Variants in SLC17A1 observed in about 807,000 individuals in gnomAD.
SLC17A1 encodes the protein solute carrier family 17 member 1, also known as sodium-dependent phosphate transport protein 1.
Under a neutral mutation model 53.5 loss-of-function variants are expected in SLC17A1, and 51 were observed. The observed-to-expected ratio is 0.95, with a 90% CI of 0.76 to 1.20. SLC17A1 has a LOEUF of 1.20. Ranked by LOEUF, SLC17A1 falls within the 50% of genes most tolerant of loss-of-function variation. The pLI is 0.00. For synonymous variants in SLC17A1, 179 were observed against 198.8 expected, an observed-to-expected ratio of 0.90 and a Z score of 0.84; for missense variants, 538 against 568.2, an observed-to-expected ratio of 0.95 and a Z score of 0.54.
intron 6 of SLC17A1, among the ~76,000 whole-genome samples, chr6:25,814,389 T>C (rs548782193): frequency 7.9e-5 from 12 of 152,186 alleles, no homozygotes; most frequent in Non-Finnish European, 1.3e-4. Flanking sequence ...ATTCATATAA[T>C]ACTGTTTATT....
At chr6:25,731,786 C>T in the SLC17A1 span, 1 of 1,584,720 alleles carries the variant, frequency 6.3e-7, no homozygotes, top group Non-Finnish European at 8.6e-7. Context: ...TCATGTTTTA[C>T]TTGGAGCTAG....
intron 3 of SLC17A1, among the ~76,000 whole-genome samples, chr6:25,822,470 GT>G (rs887514611): frequency 6.6e-6 from 1 of 152,080 alleles, no homozygotes; most frequent in Non-Finnish European, 1.5e-5. Context: ...TTTCTGGTGT[GT>G]TTTTCTATTT....
chr6:25,730,913 G>A, the SLC17A1 span, among the ~76,000 whole-genome samples: 2 of 152,188 alleles, frequency 1.3e-5, no homozygotes, highest in African/African-American at 4.8e-5. Context: ...AAATATGTAG[G>A]AAGTAAAATT....
At chr6:25,740,643 A>C in the SLC17A1 span, among the ~76,000 whole-genome samples, 1 of 152,188 alleles carries the variant, frequency 6.6e-6, no homozygotes, top group Non-Finnish European at 1.5e-5. Context: ...AGATTTTTAT[A>C]AAGATAATTC....
At chr6:25,813,014 A>C in intron 7 of SLC17A1, 22 bp from the exon 8 acceptor site, 1 of 1,613,650 alleles carries the variant, frequency 6.2e-7, no homozygotes, top group East Asian at 2.2e-5. Flanking sequence ...TTCATTAAGA[A>C]TTAGCACATT....
chr6:25,809,523 A>G (rs9467609), intron 10 of SLC17A1, among the ~76,000 whole-genome samples: 10,399 of 152,176 alleles, frequency 0.068, 393 homozygotes, highest in Non-Finnish European at 0.087. Context: ...AATCCCATAT[A>G]TAATAGTTAC....
intron 10 of SLC17A1, among the ~76,000 whole-genome samples, chr6:25,809,738 G>A (rs1025535542): frequency 6.6e-6 from 1 of 152,114 alleles, no homozygotes; most frequent in East Asian, 1.9e-4. Flanking sequence ...AAATTCCCAT[G>A]ACATGTTTCG....
At chr6:25,738,415 T>C in the SLC17A1 span, among the ~76,000 whole-genome samples, 3 of 152,218 alleles carry the variant, frequency 2.0e-5, no homozygotes, top group Middle Eastern at 3.4e-3. Flanking sequence ...CTCATATAGA[T>C]CATATATTTA....
At chr6:25,827,045 G>GA (rs1008391959) in intron 2 of SLC17A1, among the ~76,000 whole-genome samples, 7 of 152,032 alleles carry the variant, frequency 4.6e-5, no homozygotes, top group African/African-American at 1.2e-4. Context: ...CCAATGCAGA[G>GA]AAAAAAATGG....
chr6:25,771,038 T>A, the SLC17A1 span: 4 of 1,568,194 alleles, frequency 2.6e-6, no homozygotes, highest in Non-Finnish European at 3.5e-6. Flanking sequence ...AAATCTCCAA[T>A]TTTTATGACA....
chr6:25,726,772 G>A, the SLC17A1 span: 43 of 1,197,222 alleles, frequency 3.6e-5, 1 homozygote, highest in African/African-American at 5.5e-4. Context: ...TCATCCTCCA[G>A]TTCTGTTTGT....
the SLC17A1 span, among the ~76,000 whole-genome samples, chr6:25,743,368 A>G: frequency 6.6e-6 from 1 of 152,220 alleles, no homozygotes; most frequent in East Asian, 1.9e-4. Context: ...TGACTTTTGA[A>G]TATAGTTCTC....
At chr6:25,790,869 G>C (rs963560079) in intron 12 of SLC17A1, among the ~76,000 whole-genome samples, 4 of 152,044 alleles carry the variant, frequency 2.6e-5, no homozygotes, top group Non-Finnish European at 5.9e-5. Flanking sequence ...TCATCTACCC[G>C]AAAACACAAG....
At chr6:25,724,427 A>G in the SLC17A1 span, among the ~76,000 whole-genome samples, 7 of 152,372 alleles carry the variant, frequency 4.6e-5, no homozygotes, top group South Asian at 6.2e-4. Context: ...TGGCTCCAAA[A>G]AAAGAAGAAT....
In SLC17A1 at chr6:25,819,612, G is replaced by T. The variant is rs762619580; in HGVS notation, c.442-14C>A. The T allele has an allele frequency of 6.2e-7, 1 of 1,612,836 alleles. No homozygotes were observed. On this transcript the variant is annotated splice_polypyrimidine_tract_variant and intron_variant, in intron 4 of 12. Coordinates refer to ENST00000244527, the MANE Select transcript of SLC17A1 (RefSeq NM_005074.5). Reference sequence around the variant, plus strand: ...TGCAACTATCCCCTGAAATGAGAAAGGTTTGACATTTAATCTCTAATACTT... The same window carrying T: ...TGCAACTATCCCCTGAAATGAGAAATGTTTGACATTTAATCTCTAATACTT...
chr6:25,773,748 G>C, the SLC17A1 span: 3 of 1,508,470 alleles, frequency 2.0e-6, no homozygotes, highest in Non-Finnish European at 2.7e-6. Flanking sequence ...ATAATCCTCT[G>C]TCTGTCCCAT....
chr6:25,785,668 C>T (rs1410265503), intron 12 of SLC17A1, among the ~76,000 whole-genome samples: 2 of 152,010 alleles, frequency 1.3e-5, no homozygotes, highest in Non-Finnish European at 1.5e-5. Context: ...TGGGCAAACA[C>T]ACTGAATATA....
At chr6:25,826,406 T>A (rs1764742060) in intron 3 of SLC17A1, 55 bp downstream of exon 3, 2 of 1,397,546 alleles carry the variant, frequency 1.4e-6, no homozygotes, top group African/African-American at 2.9e-5. Flanking sequence ...CTACACAAAT[T>A]AGTTAGCAAG....
At chr6:25,752,924 C>G in the SLC17A1 span, among the ~76,000 whole-genome samples, 1 of 151,592 alleles carries the variant, frequency 6.6e-6, no homozygotes, top group Non-Finnish European at 1.5e-5. Flanking sequence ...TGCAGTCCAG[C>G]CTGGGCAACA....
Sources: gnomAD v4.1 joint callset for allele counts (sites outside exome capture counted in the v4.1 genomes callset) on GRCh38, gnomAD v4.1.1 for gene constraint, MANE v1.5 for transcripts, NCBI Gene and HGNC (gene_info 2026-07-23, HGNC 2026-07-21) for gene names.